The following MIGA1 variants were observed in gnomAD, a reference collection of about 807,000 sequenced individuals.
MIGA1 encodes mitoguardin 1.
MIGA1 carries 58 observed loss-of-function variants against 82.0 expected under a neutral mutation model. The ratio of observed to expected loss-of-function variants is 0.71; its 90% confidence interval spans 0.57 to 0.88. The LOEUF is 0.88. MIGA1 is among the 40% of genes least tolerant of loss of function. The pLI is 0.00. For synonymous variants in MIGA1, 249 were observed against 253.6 expected (o/e 0.98, Z 0.17); for missense variants, 751 against 749.1 (o/e 1.00, Z -0.03).
intron 4 of MIGA1, among the ~76,000 whole-genome samples, chr1:77,806,313 G>A (rs1210625860): frequency 2.0e-5 from 3 of 152,198 alleles, no homozygotes; most frequent in African/African-American, 4.8e-5. Flanking sequence ...TTACGGTAGG[G>A]TTGACTGTTG....
At chr1:77,788,280 G>C (rs1444365606) in intron 2 of MIGA1, among the ~76,000 whole-genome samples, 1 of 152,164 alleles carries the variant, frequency 6.6e-6, no homozygotes, top group Non-Finnish European at 1.5e-5. Flanking sequence ...TGGGATTATA[G>C]GCATGAGCCA....
intron 7 of MIGA1, among the ~76,000 whole-genome samples, chr1:77,842,384 G>T (rs1684660294): frequency 6.6e-6 from 1 of 152,140 alleles, no homozygotes. Context: ...CAAAGAATTT[G>T]AACTTTTTCA....
At chr1:77,868,162 TATA>T (rs973635877) in intron 14 of MIGA1, 16 of 152,332 alleles carry the variant, frequency 1.1e-4, no homozygotes, top group South Asian at 2.1e-4. Context: ...AAGTGGTAGT[TATA>T]ATAATAATGA....
intron 8 of MIGA1, chr1:77,847,866 G>C: frequency 1.3e-6 from 2 of 1,591,956 alleles, no homozygotes; most frequent in Non-Finnish European, 1.7e-6. Context: ...GGAAAACCCA[G>C]ATGCAGACAG....
intron 7 of MIGA1, among the ~76,000 whole-genome samples, chr1:77,834,533 G>A (rs1380705835): frequency 6.6e-6 from 1 of 152,012 alleles, no homozygotes; most frequent in Non-Finnish European, 1.5e-5. Flanking sequence ...CAATATTGAG[G>A]CACATTGAGG....
intron 7 of MIGA1, among the ~76,000 whole-genome samples, chr1:77,818,990 G>T (rs1335983437): frequency 6.7e-6 from 1 of 150,144 alleles, no homozygotes; most frequent in African/African-American, 2.5e-5. Context: ...TGAGGGAAGA[G>T]AATCGCTTGA....
At chr1:77,870,057 A>C (rs1158382212) in intron 14 of MIGA1, among the ~76,000 whole-genome samples, 14 of 68,578 alleles carry the variant, frequency 2.0e-4, no homozygotes, top group Non-Finnish European at 2.8e-4. Context: ...GGCGCCCCTC[A>C]CCTCCCGGAC....
Position 77,875,089 on chromosome 1 carries a change from A to C in MIGA1, c.*25A>C. Reference sequence around the variant, plus strand: ...AGTACCATAAGAATCATACAATTTGAGTGTGCTATGAAATATTTTAAGGTA... The same window carrying C: ...AGTACCATAAGAATCATACAATTTGCGTGTGCTATGAAATATTTTAAGGTA... On this transcript the variant is annotated 3_prime_UTR_variant, in exon 16 of 16. Transcript: ENST00000370791. 2.6e-6 allele frequency: 4 copies of C among 1,537,028 alleles called. No individual in the cohort carries two copies. The highest frequency in any genetic ancestry group is 3.6e-6 in the Non-Finnish European group (4 of 1,112,320).
chr1:77,810,870 G>A (rs1258327449), intron 5 of MIGA1: 17 of 1,611,024 alleles, frequency 1.1e-5, no homozygotes, highest in Admixed American at 6.7e-5. Flanking sequence ...ATCATTCCTT[G>A]TGCAAAGTTT....
rs758234981 is a variant in MIGA1 at position 77,813,867 on chromosome 1, T to C, written c.771T>C (p.Asp257=). The C allele has an allele frequency of 1.9e-6, 3 of 1,612,906 alleles. No homozygotes were observed. In the Admixed American group the frequency reaches 5.0e-5, roughly 27 times the overall value. The change falls in exon 6 of 16, where the codon GAT becomes GAC. Residue 257 remains aspartate (D), a splice_region_variant and synonymous_variant. Transcript: ENST00000370791. ...ATGCCATTGCTGAAGAAAATGTAGA[T>C]GTAAGGGTGATTGATTTGAGTGGTC...
intron 8 of MIGA1, among the ~76,000 whole-genome samples, chr1:77,845,384 T>C (rs1684798631): frequency 6.6e-6 from 1 of 152,188 alleles, no homozygotes; most frequent in Admixed American, 6.5e-5. Context: ...CTTTTTTCCA[T>C]TGTGAGGAAC....
At chr1:77,851,779 T>C (rs553879998) in intron 8 of MIGA1, among the ~76,000 whole-genome samples, 1 of 152,146 alleles carries the variant, frequency 6.6e-6, no homozygotes, top group Non-Finnish European at 1.5e-5. Flanking sequence ...AATTCAAGAC[T>C]CAACTCTGGA....
intron 1 of MIGA1, chr1:77,782,983 G>A (rs899975171): frequency 5.6e-5 from 32 of 571,178 alleles, no homozygotes; most frequent in Non-Finnish European, 6.6e-5. Flanking sequence ...TTTGCTACCC[G>A]GACTCAAAGT....
At position 77,861,107 on chromosome 1, in the gene MIGA1, G is replaced by T. The variant is rs556126951; in HGVS notation, c.1276-117G>T. On this transcript the variant is annotated intron_variant, in intron 11 of 15. Transcript: ENST00000370791. Reference sequence around the variant, plus strand: ...GATAAATTTGGCATACCTTTAAAATGTATTTTAGTTCAGTTACCTAGTAGA... The same window carrying T: ...GATAAATTTGGCATACCTTTAAAATTTATTTTAGTTCAGTTACCTAGTAGA... 4.7e-6 allele frequency: 3 copies of T among 643,318 alleles called. No homozygotes were observed. The South Asian group carries it at 6.5e-5, about 14-fold the overall frequency. The allele number at this position is 643,318 out of a possible 1,614,324, so 39.9% of individuals were successfully genotyped here.
chr1:77,875,296 T>C lies in MIGA1; in HGVS notation c.*232T>C. Reference sequence around the variant, plus strand: ...TGCATTCATTAGGTAATAATTGAAGTCATGAAATGTATATTTTACAGAAAT... The same window carrying C: ...TGCATTCATTAGGTAATAATTGAAGCCATGAAATGTATATTTTACAGAAAT... On this transcript the variant is annotated 3_prime_UTR_variant, in exon 16 of 16. Transcript: ENST00000370791. 1 of 424,624 alleles carries C rather than the reference T, an allele frequency of 2.4e-6. No homozygotes were observed. Among genetic ancestry groups the C allele is most frequent in the South Asian group, 3.9e-5 (1 of 25,350 alleles). 26.3% of individuals were successfully genotyped at this position (424,624 alleles called of 1,614,324 possible). A position where few individuals can be genotyped will look rare whatever the true frequency, so the allele number is the denominator to read the frequency against.
chr1:77,851,526 A>C (rs1001328986), intron 8 of MIGA1, among the ~76,000 whole-genome samples: 1 of 152,172 alleles, frequency 6.6e-6, no homozygotes, highest in Non-Finnish European at 1.5e-5. Flanking sequence ...AATTCTTCCT[A>C]TGTGATGTAT....
intron 7 of MIGA1, among the ~76,000 whole-genome samples, chr1:77,837,635 A>G (rs1214359689): frequency 1.3e-5 from 2 of 152,218 alleles, no homozygotes; most frequent in Non-Finnish European, 2.9e-5. Context: ...GTTTATTTTG[A>G]TTAATTGCAT....
Position 77,813,863 on chromosome 1 carries a change from T to G in MIGA1, c.767T>G (p.Val256Gly). Residue 256 changes from valine to glycine, a missense_variant, in exon 6 of 16, where the codon GTA (valine) becomes GGA (glycine). Val to Gly is a moderately radical substitution (Grantham distance 109, BLOSUM62 -3). Around this residue, in one of 3 missense-constraint regions of MIGA1, gnomAD observed 482 missense variants for 439.4 expected, o/e 1.10. Coordinates refer to ENST00000370791, the MANE Select transcript of MIGA1 (RefSeq NM_198549.4). Reference sequence around the variant, plus strand: ...GGAGATGCCATTGCTGAAGAAAATGTAGATGTAAGGGTGATTGATTTGAGT... The same window carrying G: ...GGAGATGCCATTGCTGAAGAAAATGGAGATGTAAGGGTGATTGATTTGAGT... 1 of 1,614,082 alleles carries G rather than the reference T, an allele frequency of 6.2e-7. No homozygotes were observed. The highest frequency in any genetic ancestry group is 8.5e-7 in the Non-Finnish European group (1 of 1,180,020).
chr1:77,793,275 G>T (rs1403038355), intron 2 of MIGA1, among the ~76,000 whole-genome samples: 1 of 150,754 alleles, frequency 6.6e-6, no homozygotes, highest in African/African-American at 2.4e-5. Context: ...GCTAATTTTT[G>T]TATTTTTTGT....
Sources: gnomAD v4.1 joint callset for allele counts (sites outside exome capture counted in the v4.1 genomes callset) on GRCh38, gnomAD v4.1.1 for gene constraint, gnomAD v4.1.1 regional missense constraint, MANE v1.5 for transcripts, NCBI Gene and HGNC (gene_info 2026-07-23, HGNC 2026-07-21) for gene names.